AUNIP: variants seen among roughly 807,000 people sequenced by gnomAD.
The protein encoded by AUNIP is aurora kinase A- and ninein-interacting protein.
Under a neutral mutation model 12.2 loss-of-function variants are expected in AUNIP, and 16 were observed. The ratio of observed to expected loss-of-function variants is 1.31; its 90% CI spans 0.88 to 1.99. The LOEUF is 1.99. Ranked by LOEUF, AUNIP falls within the 30% of genes most tolerant of loss-of-function variation. The probability of loss-of-function intolerance (pLI) is 0.00; values close to 1 mark genes in which losing one functional copy is unlikely to be tolerated. For synonymous variants in AUNIP, 142 were observed against 154.8 expected (o/e 0.92, Z 0.61); for missense variants, 411 against 419.1 (o/e 0.98, Z 0.17).
chr1:25,844,295 C>T (rs570006890), intron 1 of AUNIP, among the ~76,000 whole-genome samples: 4 of 152,192 alleles, frequency 2.6e-5, no homozygotes, highest in South Asian at 2.1e-4. Flanking sequence ...TTAGTAGAGA[C>T]GAGGTTTCAC....
chr1:25,853,196 G>A (rs936983589), intron 1 of AUNIP, among the ~76,000 whole-genome samples: 3 of 152,326 alleles, frequency 2.0e-5, no homozygotes, highest in African/African-American at 2.4e-5. Flanking sequence ...ATGATTGAAA[G>A]TGGGTATTAA....
chr1:25,832,014 A>G (rs1448523093), downstream of AUNIP: 1 of 1,614,224 alleles, frequency 6.2e-7, no homozygotes, highest in South Asian at 1.1e-5. Context: ...ATATCAGTAG[A>G]AAAGGAAATT....
chr1:25,837,627 C>T lies in AUNIP; in HGVS notation c.79-73G>A, dbSNP rs188762446. 78 of 1,467,260 alleles carry T rather than the reference C, an allele frequency of 5.3e-5. No homozygotes were observed. In the African/African-American group the frequency reaches 1.1e-3, roughly 20 times the overall value. 90.9% of individuals were successfully genotyped at this position (1,467,260 alleles called of 1,614,324 possible). A position where few individuals can be genotyped will look rare whatever the true frequency, so the allele number is the denominator to read the frequency against. On this transcript the variant is annotated intron_variant, in intron 1 of 2. Coordinates refer to ENST00000374298, the MANE Select transcript of AUNIP (RefSeq NM_024037.3). ...ACATACAGTAGAGATTCAGTACACA[C>T]CAGTGATCCTCTGAGAACCACACTA...
At chr1:25,841,280 C>T (rs1160576446) in intron 1 of AUNIP, among the ~76,000 whole-genome samples, 2 of 152,202 alleles carry the variant, frequency 1.3e-5, no homozygotes, top group Non-Finnish European at 2.9e-5. Flanking sequence ...ATTATCCCTA[C>T]CTCAAAATAA....
chr1:25,841,656 TG>T (rs1031671024), intron 1 of AUNIP, among the ~76,000 whole-genome samples: 16 of 152,246 alleles, frequency 1.1e-4, no homozygotes, highest in Non-Finnish European at 2.2e-4. Flanking sequence ...CCCGAGTAGC[TG>T]GGACTACAGG....
intron 1 of AUNIP, among the ~76,000 whole-genome samples, chr1:25,855,501 A>G (rs2048454420): frequency 6.6e-6 from 1 of 152,194 alleles, no homozygotes; most frequent in Admixed American, 6.6e-5. Context: ...CATAATATAA[A>G]AACAAAATGA....
In AUNIP at chr1:25,835,671, G is replaced by C. The variant is rs550451631; in HGVS notation, c.396C>G (p.Leu132=). 4.3e-6 allele frequency: 7 copies of C among 1,614,234 alleles called. No homozygotes were observed. Among genetic ancestry groups the C allele is most frequent in the Admixed American group, 1.7e-5 (1 of 60,036 alleles). ...CAGAAGTCTGGAGGGACTGAGGAGA[G>C]AGTCCAGCTTCCTGGATGTCTGCAG... ...STTADIQEAG[L]SPQSLQTSGH... is the part of the protein sequence containing the mutation. The change falls in exon 3 of 3, where the codon CTC becomes CTG. Residue 132 remains leucine (L), a synonymous_variant. Transcript: ENST00000374298.
intron 1 of AUNIP, among the ~76,000 whole-genome samples, chr1:25,854,953 CTTTTTTTT>C (rs1159770557): frequency 2.5e-5 from 3 of 121,124 alleles, no homozygotes; most frequent in Non-Finnish European, 5.1e-5. Flanking sequence ...AGAATTCTTT[CTTTTTTTT>C]TTTTTTTTTT....
rs1449437535 is a variant in AUNIP at position 25,847,679 on chromosome 1, G to A, written c.79-10125C>T. On this transcript the variant is annotated intron_variant, in intron 1 of 2. Coordinates refer to ENST00000374298, the MANE Select transcript of AUNIP (RefSeq NM_024037.3). This position sits in a 1 kb window ranked among gnomAD's most constrained non-coding sequence, Gnocchi z 4.2. ...CAAAATAAAAATAAACAACTGGCCA[G>A]ACACAGTGGCTCACACCTGTAATCC... 2.6e-5 allele frequency among the ~76,000 whole-genome samples: 4 copies of A among 152,106 alleles called. No homozygotes were observed. The highest frequency in any genetic ancestry group is 4.8e-5 in the African/African-American group (2 of 41,424).
intron 2 of AUNIP, 49 bp from the exon 3 acceptor site, chr1:25,835,895 A>G (rs1170070556): frequency 6.3e-7 from 1 of 1,585,746 alleles, no homozygotes; most frequent in East Asian, 2.2e-5. Context: ...AAACTGCCCT[A>G]AGCAGGATTC....
chr1:25,841,149 T>A (rs2048344724), intron 1 of AUNIP, among the ~76,000 whole-genome samples: 1 of 152,202 alleles, frequency 6.6e-6, no homozygotes, highest in African/African-American at 2.4e-5. Context: ...GTCCCAGTTA[T>A]AGCTCTCTTA....
At chr1:25,844,842 T>A (rs1276528624) in intron 1 of AUNIP, among the ~76,000 whole-genome samples, 1 of 152,152 alleles carries the variant, frequency 6.6e-6, no homozygotes, top group African/African-American at 2.4e-5. Context: ...AGTCCCTCTT[T>A]CCTTTTAGTC....
At chr1:25,852,913 C>T (rs1401152322) in intron 1 of AUNIP, among the ~76,000 whole-genome samples, 1 of 152,154 alleles carries the variant, frequency 6.6e-6, no homozygotes, top group African/African-American at 2.4e-5. Flanking sequence ...TAGAAATGTG[C>T]TGTTTAATTT....
intron 1 of AUNIP, among the ~76,000 whole-genome samples, chr1:25,849,609 A>G (rs111911953): frequency 0.026 from 3,971 of 152,164 alleles, 170 homozygotes; most frequent in African/African-American, 0.09. Flanking sequence ...ATAATATTCC[A>G]TTATATAGAT....
chr1:25,835,289 CTA>C lies in AUNIP; in HGVS notation c.776_777del (p.Ile259ArgfsTer8), dbSNP rs776170422. The C allele has an allele frequency of 1.3e-5, 21 of 1,613,996 alleles. No homozygotes were observed. Among genetic ancestry groups the C allele is most frequent in the South Asian group, 4.4e-5 (4 of 91,088 alleles). ...GGACTACGGCTTTGTTTCACTGATT[CTA>C]TGTTTTCTCCATTCCAGGATTCCCT... ...TYRESWNGEN[I>X]ESVKQSRSPV... On this transcript the variant is annotated frameshift_variant, in exon 3 of 3. Transcript: ENST00000374298. LOFTEE classifies it high-confidence loss of function.
intron 1 of AUNIP, among the ~76,000 whole-genome samples, chr1:25,850,528 A>G (rs1232837872): frequency 6.6e-6 from 1 of 152,198 alleles, no homozygotes; most frequent in Non-Finnish European, 1.5e-5. Context: ...GCATATTCCT[A>G]TCTTAAGTCT....
In AUNIP at chr1:25,837,482, T is replaced by G. The variant is rs1557450213; in HGVS notation, c.151A>C (p.Thr51Pro). ...PGERKANIYF[T>P]QRRAPSTGIH... ...CCTGTAGATGGAGCTCTTCTTTGAGTAAAATAAATATTAGCCTTTCTTTCT... is the reference window on the plus strand; with the variant it reads ...CCTGTAGATGGAGCTCTTCTTTGAGGAAAATAAATATTAGCCTTTCTTTCT... The change falls in exon 2 of 3, where the codon ACT becomes CCT. Residue 51 changes from threonine (T) to proline (P), a missense_variant. Transcript: ENST00000374298. 9 of 1,613,870 alleles carry G rather than the reference T, an allele frequency of 5.6e-6. No individual in the cohort carries two copies. The highest frequency in any genetic ancestry group is 1.3e-5 in the African/African-American group (1 of 74,922).
At position 25,859,379 on chromosome 1, in the gene AUNIP, G is replaced by A. The variant is rs895403725; in HGVS notation, c.-22C>T. 17 of 1,493,424 alleles carry A rather than the reference G, an allele frequency of 1.1e-5. No individual in the cohort carries two copies. In the African/African-American group the frequency reaches 1.8e-4, roughly 15 times the overall value. 92.5% of individuals were successfully genotyped at this position (1,493,424 alleles called of 1,614,324 possible). ...TCATGGCCGCTGAGGAGACGAAGCC[G>A]GCAGGACGCCGGCGCAGGCTCCCGG... On this transcript the variant is annotated 5_prime_UTR_variant, in exon 1 of 3. Transcript: ENST00000374298.
intron 2 of AUNIP, 128 bp from the exon 3 acceptor site, chr1:25,835,974 C>T (rs1297239456): frequency 5.1e-6 from 7 of 1,368,452 alleles, no homozygotes; most frequent in Non-Finnish European, 6.8e-6. Context: ...AGACTCTTCA[C>T]ATAACTTTGT....
Sources: gnomAD v4.1 joint callset for allele counts (sites outside exome capture counted in the v4.1 genomes callset) on GRCh38, gnomAD v4.1.1 for gene constraint, Gnocchi (gnomAD v3.1) non-coding constraint, MANE v1.5 for transcripts, NCBI Gene and HGNC (gene_info 2026-07-23, HGNC 2026-07-21) for gene names.